Variants in CCDC171 observed in about 807,000 individuals in gnomAD.
The protein encoded by CCDC171 is coiled-coil domain-containing protein 171.
A neutral mutation model predicts 168.2 loss-of-function variants in CCDC171; 177 were observed. The observed-to-expected ratio is 1.05, with a 90% CI of 0.93 to 1.19. The LOEUF is 1.19. Ranked by LOEUF, CCDC171 falls within the 50% of genes most tolerant of loss-of-function variation. CCDC171 has a pLI of 0.00. For missense variants in CCDC171, 1,991 were observed against 1,539.0 expected (o/e 1.29, Z -4.91); for synonymous variants, 687 against 540.8 (o/e 1.27, Z -3.75).
intron 23 of CCDC171, among the ~76,000 whole-genome samples, chr9:15,868,351 G>C (rs1257081904): frequency 6.6e-6 from 1 of 152,054 alleles, no homozygotes; most frequent in Non-Finnish European, 1.5e-5. Flanking sequence ...GTGGAACACA[G>C]CTGGAACTGT....
intron 8 of CCDC171, among the ~76,000 whole-genome samples, chr9:15,662,243 C>T (rs952773823): frequency 1.3e-5 from 2 of 152,238 alleles, no homozygotes; most frequent in South Asian, 2.1e-4. Context: ...TGCCACTGCA[C>T]TCCAGCCTGG....
At chr9:15,569,649 A>G (rs531798612) in intron 2 of CCDC171, among the ~76,000 whole-genome samples, 32 of 151,792 alleles carry the variant, frequency 2.1e-4, no homozygotes, top group Admixed American at 7.2e-4. Context: ...CCCCGTCTCT[A>G]CTAAAAATGC....
At chr9:16,090,626 T>C in the CCDC171 span, among the ~76,000 whole-genome samples, 26 of 152,286 alleles carry the variant, frequency 1.7e-4, no homozygotes, top group Admixed American at 3.3e-4. Flanking sequence ...AGGAAACCAA[T>C]GGTGGCCTCA....
chr9:15,904,194 C>T (rs557292300), intron 24 of CCDC171, among the ~76,000 whole-genome samples: 7 of 152,136 alleles, frequency 4.6e-5, no homozygotes, highest in Admixed American at 2.0e-4. Context: ...AGATACTCCT[C>T]GAGAAGAGCA....
At chr9:15,736,647 C>T (rs770182036) in intron 16 of CCDC171, among the ~76,000 whole-genome samples, 13 of 145,730 alleles carry the variant, frequency 8.9e-5, no homozygotes, top group Admixed American at 2.1e-4. Context: ...CCACGGTGCC[C>T]GGCTCACATT....
At chr9:15,825,678 C>G (rs1563816822) in intron 21 of CCDC171, among the ~76,000 whole-genome samples, 3 of 152,050 alleles carry the variant, frequency 2.0e-5, no homozygotes, top group Non-Finnish European at 4.4e-5. Context: ...GGGGCATTTT[C>G]TCTCTAGGAG....
the CCDC171 span, among the ~76,000 whole-genome samples, chr9:16,105,548 C>T: frequency 6.6e-6 from 1 of 152,140 alleles, no homozygotes; most frequent in African/African-American, 2.4e-5. Flanking sequence ...TTGGAACTAG[C>T]CTTGGATGGA....
chr9:15,763,143 CA>C (rs2056541783), intron 18 of CCDC171, among the ~76,000 whole-genome samples: 1 of 152,142 alleles, frequency 6.6e-6, no homozygotes, highest in East Asian at 1.9e-4. Flanking sequence ...TAGAATCAGC[CA>C]AAGGAAGAGA....
intron 11 of CCDC171, among the ~76,000 whole-genome samples, chr9:15,718,280 C>T (rs1475674392): frequency 1.3e-5 from 2 of 152,156 alleles, no homozygotes; most frequent in Non-Finnish European, 2.9e-5. Context: ...GTGGGAAGGA[C>T]TTTGTCTTGT....
At chr9:15,918,935 A>G (rs1328286) in intron 24 of CCDC171, among the ~76,000 whole-genome samples, 74,978 of 151,430 alleles carry the variant, frequency 0.5, 19,727 homozygotes, top group African/African-American at 0.68. Flanking sequence ...AGCAGTCATT[A>G]ATTCAAGCAG....
intron 21 of CCDC171, among the ~76,000 whole-genome samples, chr9:15,797,856 A>G (rs1588562305): frequency 6.6e-6 from 1 of 152,144 alleles, no homozygotes; most frequent in South Asian, 2.1e-4. Flanking sequence ...TTCTTTCCAA[A>G]TAAATATTAA....
chr9:16,014,790 A>G (rs1049228007), intron 3 of CCDC171, among the ~76,000 whole-genome samples: 2 of 152,174 alleles, frequency 1.3e-5, no homozygotes, highest in Non-Finnish European at 2.9e-5. Flanking sequence ...GTTATCAACA[A>G]TAGGCTTAAA....
intron 25 of CCDC171, among the ~76,000 whole-genome samples, chr9:15,971,316 G>C (rs1831335186): frequency 6.6e-6 from 1 of 152,086 alleles, no homozygotes; most frequent in Admixed American, 6.6e-5. Flanking sequence ...AAAAATCCCT[G>C]ATTGTATTGA....
At chr9:16,040,417 G>A (rs113862657), upstream of CCDC171, among the ~76,000 whole-genome samples, 2,223 of 152,320 alleles carry the variant, frequency 0.015, 51 homozygotes, top group African/African-American at 0.052. Flanking sequence ...TTGTCTCTGG[G>A]CTGGAGCTCA....
At chr9:15,888,786 C>G (rs1349169304) in intron 24 of CCDC171, among the ~76,000 whole-genome samples, 1 of 152,040 alleles carries the variant, frequency 6.6e-6, no homozygotes, top group Non-Finnish European at 1.5e-5. Flanking sequence ...ATTCCACACT[C>G]CAGAATGCTC....
chr9:15,740,956 C>G (rs2054836815), intron 16 of CCDC171, among the ~76,000 whole-genome samples: 1 of 152,150 alleles, frequency 6.6e-6, no homozygotes, highest in Non-Finnish European at 1.5e-5. Flanking sequence ...TTGTGTCTTT[C>G]AACCATATTT....
intron 23 of CCDC171, among the ~76,000 whole-genome samples, chr9:15,857,181 G>A (rs778787581): frequency 2.6e-4 from 40 of 151,802 alleles, no homozygotes; most frequent in Non-Finnish European, 5.4e-4. Context: ...TTTTCATTAT[G>A]TTGATTATTA....
intron 21 of CCDC171, among the ~76,000 whole-genome samples, chr9:15,793,150 C>CA (rs576599073): frequency 6.6e-6 from 1 of 151,022 alleles, no homozygotes; most frequent in Non-Finnish European, 1.5e-5. Context: ...AAATGGAAAA[C>CA]AAAAAAAGGC....
chr9:16,063,322 C>T (rs1343682858), downstream of CCDC171, among the ~76,000 whole-genome samples: 1 of 152,114 alleles, frequency 6.6e-6, no homozygotes, highest in Non-Finnish European at 1.5e-5. Context: ...CAGGTGGGGA[C>T]AGGCTTGCCA....
Sources: allele counts gnomAD v4.1 joint callset (sites outside exome capture counted in the v4.1 genomes callset), GRCh38; gene constraint gnomAD v4.1.1; transcripts MANE v1.5; gene names NCBI Gene and HGNC (gene_info 2026-07-23, HGNC 2026-07-21).